Variants in ACSS3 observed in about 807,000 individuals in gnomAD.
ACSS3 encodes acyl-CoA synthetase short chain family member 3.
ACSS3 carries 64 observed loss-of-function variants against 84.2 expected under a neutral mutation model. The observed-to-expected ratio is 0.76, with a 90% CI of 0.62 to 0.94. The LOEUF (loss-of-function observed/expected upper bound fraction) is 0.94. ACSS3 is among the 40% of genes least tolerant of loss of function. The pLI, the probability that ACSS3 is intolerant of heterozygous loss-of-function variation, is 0.00. For missense variants in ACSS3, 815 were observed against 867.6 expected (o/e 0.94, Z 0.76); for synonymous variants, 317 against 310.1 (o/e 1.02, Z -0.23).
intron 7 of ACSS3, among the ~76,000 whole-genome samples, chr12:81,157,034 C>T (rs576690696): frequency 4.2e-4 from 63 of 151,408 alleles, no homozygotes; most frequent in South Asian, 1.3e-3. Context: ...AAAAAGTCAA[C>T]GACAAAAAAA....
At chr12:81,096,376 C>T (rs192389354) in intron 1 of ACSS3, among the ~76,000 whole-genome samples, 1 of 152,206 alleles carries the variant, frequency 6.6e-6, no homozygotes, top group Admixed American at 6.5e-5. Context: ...CATGTGGTCC[C>T]TGCCTACAGA....
intron 9 of ACSS3, among the ~76,000 whole-genome samples, chr12:81,205,555 C>G (rs1489925819): frequency 2.0e-5 from 3 of 152,086 alleles, no homozygotes; most frequent in African/African-American, 7.2e-5. Flanking sequence ...AACTACAGCC[C>G]TGTCTCATTC....
At chr12:81,211,210 G>C (rs181136152) in intron 9 of ACSS3, among the ~76,000 whole-genome samples, 39 of 152,198 alleles carry the variant, frequency 2.6e-4, no homozygotes, top group Admixed American at 1.6e-3. Context: ...AAACTTGTAG[G>C]CTCAAGCAGT....
chr12:81,085,916 A>G (rs892395764), intron 1 of ACSS3, among the ~76,000 whole-genome samples: 1 of 152,126 alleles, frequency 6.6e-6, no homozygotes, highest in Admixed American at 6.5e-5. Context: ...TCATGTCAGT[A>G]AATGTTTCAA....
At chr12:81,137,557 T>C (rs1235132493) in intron 3 of ACSS3, among the ~76,000 whole-genome samples, 1 of 152,184 alleles carries the variant, frequency 6.6e-6, no homozygotes. Context: ...GAAAAAGTTT[T>C]ATTTTAACAG....
rs61706699 is a variant in ACSS3 at position 81,137,136 on chromosome 12, C to CT, written c.646-1984dup. Among the ~76,000 whole-genome samples the CT allele has an allele frequency of 5.2e-3, 761 of 147,556 alleles. 5 individuals carry two copies. Among genetic ancestry groups the CT allele is most frequent in the African/African-American group, 0.014 (548 of 39,800 alleles). ...ACAAACCATCTGGGTCCTTTTTTAT[C>CT]TTTTTTTTTTTCTTTTTAAACATGT... On this transcript the variant is annotated intron_variant, in intron 3 of 15. Coordinates refer to ENST00000548058, the MANE Select transcript of ACSS3 (RefSeq NM_024560.4).
chr12:81,252,305 A>C (rs1350430520), intron 13 of ACSS3, among the ~76,000 whole-genome samples: 1 of 152,158 alleles, frequency 6.6e-6, no homozygotes, highest in Non-Finnish European at 1.5e-5. Flanking sequence ...ATTATTTATT[A>C]ATATCTGTCT....
chr12:81,156,185 A>AACACAC (rs58156251), intron 7 of ACSS3, among the ~76,000 whole-genome samples: 29 of 141,836 alleles, frequency 2.0e-4, no homozygotes, highest in Admixed American at 5.8e-4. Context: ...TATCCAGGAA[A>AACACAC]ACACACACAC....
chr12:81,213,793 T>TTTCTCTTCTC (rs751583733), intron 9 of ACSS3, among the ~76,000 whole-genome samples: 5,151 of 30,766 alleles, frequency 0.17, 1,016 homozygotes, highest in Non-Finnish European at 0.18. Flanking sequence ...TCTCTTCTCT[T>TTTCTCTTCTC]TTCTCTTCTC....
In ACSS3 at chr12:81,210,340, C is replaced by G. The variant is rs140156099; in HGVS notation, c.1355-6561C>G. 1.1e-4 allele frequency among the ~76,000 whole-genome samples: 16 copies of G among 152,234 alleles called. 1 individual carries two copies. The East Asian group carries it at 3.1e-3, about 29-fold the overall frequency. On this transcript the variant is annotated intron_variant, in intron 9 of 15. Transcript: ENST00000548058. ...AGAGAGGAGCTTCGTCAGAAAGCATCAGTATGTTGAGGACCACTCATAACT... is the reference window on the plus strand; with the variant it reads ...AGAGAGGAGCTTCGTCAGAAAGCATGAGTATGTTGAGGACCACTCATAACT...
chr12:81,196,981 AACT>A (rs577308967), intron 8 of ACSS3, among the ~76,000 whole-genome samples: 108 of 152,302 alleles, frequency 7.1e-4, no homozygotes, highest in Middle Eastern at 3.4e-3. Flanking sequence ...TCATGGCTCC[AACT>A]ACATTATTGC....
At chr12:81,229,337 T>C (rs1302951436) in intron 11 of ACSS3, among the ~76,000 whole-genome samples, 1 of 151,880 alleles carries the variant, frequency 6.6e-6, no homozygotes, top group Non-Finnish European at 1.5e-5. Flanking sequence ...TAATGTTATC[T>C]CTCTTTGTCC....
In ACSS3 at chr12:81,219,995, T is replaced by G; in HGVS notation, c.1451-18T>G. ...AGATTATGAATTTTTATTCAAATAT[T>G]TATATTTTACTTTGTAGTTATGATT... On this transcript the variant is annotated intron_variant, in intron 10 of 15. Coordinates refer to ENST00000548058, the MANE Select transcript of ACSS3 (RefSeq NM_024560.4). 2 of 1,445,600 alleles carry G rather than the reference T, an allele frequency of 1.4e-6. No individual in the cohort carries two copies. Among genetic ancestry groups the G allele is most frequent in the Non-Finnish European group, 1.9e-6 (2 of 1,080,952 alleles). The allele number at this position is 1,445,600 out of a possible 1,614,324, so 89.5% of individuals were successfully genotyped here.
intron 7 of ACSS3, among the ~76,000 whole-genome samples, chr12:81,159,596 CT>C (rs1887051376): frequency 6.6e-6 from 1 of 152,144 alleles, no homozygotes; most frequent in Admixed American, 6.5e-5. Context: ...TTGAATGGTA[CT>C]TCTTTAGAAA....
rs2030356542 is a variant in ACSS3 at position 81,174,876 on chromosome 12, C to T, written c.1187C>T (p.Ala396Val). Reference sequence around the variant, plus strand: ...GCTGCCTTGTTTACAGCACCAACTGCAATTAGAGCAATCCGTCAACAGGAC... The same window carrying T: ...GCTGCCTTGTTTACAGCACCAACTGTAATTAGAGCAATCCGTCAACAGGAC... The part of the protein sequence containing the change: ...GVAALFTAPT[A>V]IRAIRQQDPG... Residue 396 changes from alanine (A) to valine (V), a missense_variant, in exon 8 of 16, where the codon GCA (alanine) becomes GTA (valine). Ala to Val is a moderately conservative substitution (Grantham distance 64). Transcript: ENST00000548058. The T allele has an allele frequency of 1.2e-6, 2 of 1,613,902 alleles. No homozygotes were observed. Among genetic ancestry groups the T allele is most frequent in the African/African-American group, 1.3e-5 (1 of 75,020 alleles).
At chr12:81,115,272 A>G (rs1057017863) in intron 2 of ACSS3, among the ~76,000 whole-genome samples, 1 of 152,166 alleles carries the variant, frequency 6.6e-6, no homozygotes, top group African/African-American at 2.4e-5. Flanking sequence ...GAGTGGTTGC[A>G]CTAATTTATA....
chr12:81,235,774 A>G (rs1212940996), intron 13 of ACSS3, among the ~76,000 whole-genome samples: 1 of 151,426 alleles, frequency 6.6e-6, no homozygotes, highest in Admixed American at 6.6e-5. Context: ...GAAATTTTTC[A>G]TTGCTAGTGG....
At chr12:81,188,952 G>T (rs533652881) in intron 8 of ACSS3, among the ~76,000 whole-genome samples, 2 of 151,938 alleles carry the variant, frequency 1.3e-5, no homozygotes, top group South Asian at 4.2e-4. Context: ...TATTCTCCTA[G>T]CATTTTTCAA....
chr12:81,129,018 T>C (rs569719768), intron 2 of ACSS3, among the ~76,000 whole-genome samples: 4 of 152,224 alleles, frequency 2.6e-5, no homozygotes, highest in South Asian at 4.1e-4. Flanking sequence ...AAAATCGTAC[T>C]ATTGATTCTG....
Sources: gnomAD v4.1 joint callset for allele counts (sites outside exome capture counted in the v4.1 genomes callset) on GRCh38, gnomAD v4.1.1 for gene constraint, MANE v1.5 for transcripts, NCBI Gene and HGNC (gene_info 2026-07-23, HGNC 2026-07-21) for gene names.